The following MACROD2 variants were observed in gnomAD, a reference collection of about 807,000 sequenced individuals.
MACROD2 encodes the protein ADP-ribose glycohydrolase MACROD2.
In MACROD2, 36 loss-of-function variants were observed where a neutral mutation model predicts 70.4. That is an observed-to-expected ratio of 0.51 (90% CI 0.39 to 0.68). The LOEUF is 0.68. Ranked by LOEUF, MACROD2 falls within the 30% of genes least tolerant of loss-of-function variation. MACROD2 has a pLI of 0.00. For synonymous variants in MACROD2, 172 were observed against 178.8 expected (o/e 0.96, Z 0.30); for missense variants, 496 against 538.4 (o/e 0.92, Z 0.78).
Position 14,804,470 on chromosome 20 carries a change from A to G in MACROD2, c.418+119511A>G, listed in dbSNP as rs1055100319. On this transcript the variant is annotated intron_variant, in intron 5 of 17. Transcript: ENST00000684519. Reference sequence around the variant, plus strand: ...CAAGGTCACTCCATGCAACCTGCCTATGATAAATTGGGAATCCAGAATTTG... The same window carrying G: ...CAAGGTCACTCCATGCAACCTGCCTGTGATAAATTGGGAATCCAGAATTTG... 1.4e-4 allele frequency among the ~76,000 whole-genome samples: 22 copies of G among 152,020 alleles called. 1 individual carries two copies. The highest frequency in any genetic ancestry group is 3.9e-4 in the African/African-American group (16 of 41,356).
intron 7 of MACROD2, among the ~76,000 whole-genome samples, chr20:15,458,125 T>C (rs1463570463): frequency 1.3e-5 from 2 of 152,170 alleles, no homozygotes; most frequent in Non-Finnish European, 2.9e-5. Flanking sequence ...GGGCTATAAA[T>C]ATGAATTATG....
chr20:15,678,956 G>A (rs1356954172), intron 8 of MACROD2, among the ~76,000 whole-genome samples: 5 of 152,168 alleles, frequency 3.3e-5, no homozygotes, highest in Admixed American at 2.0e-4. Flanking sequence ...GATTGCACAG[G>A]CTGGGTGCGG....
At chr20:15,033,906 G>A (rs1426538200) in intron 5 of MACROD2, among the ~76,000 whole-genome samples, 2 of 152,200 alleles carry the variant, frequency 1.3e-5, no homozygotes, top group Non-Finnish European at 1.5e-5. Context: ...TGGGTAGGGT[G>A]TTGTTTAACC....
chr20:14,065,876 A>G (rs2053749188), intron 2 of MACROD2, among the ~76,000 whole-genome samples: 1 of 152,228 alleles, frequency 6.6e-6, no homozygotes, highest in Non-Finnish European at 1.5e-5. Context: ...AATAACATTA[A>G]GTTACAAGAC....
intron 8 of MACROD2, among the ~76,000 whole-genome samples, chr20:15,547,897 GT>G: frequency 6.6e-6 from 1 of 152,200 alleles, no homozygotes; most frequent in East Asian, 1.9e-4. Flanking sequence ...CTTTGCCCTG[GT>G]TTTACCCTCT....
At chr20:15,723,887 C>G (rs2050823857) in intron 8 of MACROD2, among the ~76,000 whole-genome samples, 1 of 152,166 alleles carries the variant, frequency 6.6e-6, no homozygotes, top group African/African-American at 2.4e-5. Context: ...AGGTACTGTA[C>G]CAGTTTGCAT....
intron 5 of MACROD2, among the ~76,000 whole-genome samples, chr20:14,760,777 C>G (rs146356687): frequency 1.3e-5 from 2 of 152,100 alleles, no homozygotes; most frequent in African/African-American, 4.8e-5. Context: ...CTTCCCTTTA[C>G]CAGCCAACAA....
At chr20:14,969,937 A>G (rs1243921165) in intron 5 of MACROD2, among the ~76,000 whole-genome samples, 2 of 152,158 alleles carry the variant, frequency 1.3e-5, no homozygotes, top group Non-Finnish European at 2.9e-5. Flanking sequence ...AACTAAATTC[A>G]CTGGTTGGTT....
At chr20:14,437,610 T>A (rs1201112664) in intron 3 of MACROD2, among the ~76,000 whole-genome samples, 1 of 152,050 alleles carries the variant, frequency 6.6e-6, no homozygotes, top group Non-Finnish European at 1.5e-5. Flanking sequence ...AAAATTTTTT[T>A]CTCATTAAAT....
chr20:15,925,686 A>G (rs1016175688), intron 10 of MACROD2, among the ~76,000 whole-genome samples: 1 of 152,200 alleles, frequency 6.6e-6, no homozygotes, highest in Non-Finnish European at 1.5e-5. Flanking sequence ...CACAACACAT[A>G]TGGAAGGCCC....
At position 15,521,534 on chromosome 20, in the gene MACROD2, C is replaced by T. The variant is rs148074935; in HGVS notation, c.645+21687C>T. ...TTTATTGTGGAGAATGCTAAAGTAA[C>T]GGACATGATAAGAGTTTCTGGTGGA... On this transcript the variant is annotated intron_variant, in intron 8 of 17. Transcript: ENST00000684519. Among the ~76,000 whole-genome samples, 30 of 152,250 alleles carry T rather than the reference C, an allele frequency of 2.0e-4. No individual in the cohort carries two copies. The East Asian group carries it at 4.1e-3, about 21-fold the overall frequency.
intron 13 of MACROD2, among the ~76,000 whole-genome samples, chr20:15,971,784 T>C (rs1488720605): frequency 6.6e-6 from 1 of 151,952 alleles, no homozygotes; most frequent in Non-Finnish European, 1.5e-5. Flanking sequence ...CTTTGTCTTC[T>C]GTCAGCATCC....
At chr20:15,770,268 A>G (rs779049745) in intron 8 of MACROD2, among the ~76,000 whole-genome samples, 2 of 151,784 alleles carry the variant, frequency 1.3e-5, no homozygotes, top group African/African-American at 2.4e-5. Context: ...CTTCTTCTTT[A>G]TATCTTCTGA....
At chr20:15,791,765 A>T (rs1458158225) in intron 8 of MACROD2, among the ~76,000 whole-genome samples, 1 of 152,028 alleles carries the variant, frequency 6.6e-6, no homozygotes, top group Admixed American at 6.6e-5. Flanking sequence ...AGCTCTAAAG[A>T]TAACATAAAA....
intron 6 of MACROD2, among the ~76,000 whole-genome samples, chr20:15,381,839 G>A (rs1045583924): frequency 1.3e-5 from 2 of 152,130 alleles, no homozygotes; most frequent in Non-Finnish European, 2.9e-5. Flanking sequence ...GGCACAGGGT[G>A]AATTTAGATC....
At chr20:15,126,919 A>G (rs1056627451) in intron 5 of MACROD2, among the ~76,000 whole-genome samples, 2 of 152,150 alleles carry the variant, frequency 1.3e-5, no homozygotes, top group Non-Finnish European at 2.9e-5. Flanking sequence ...GGTAAGAGGA[A>G]TAGTCTATAA....
At chr20:14,306,906 A>G (rs1335681127) in intron 3 of MACROD2, among the ~76,000 whole-genome samples, 1 of 152,068 alleles carries the variant, frequency 6.6e-6, no homozygotes, top group African/African-American at 2.4e-5. Context: ...AGCAAATGCC[A>G]CTATTTGATA....
chr20:15,707,644 G>A (rs1268767830), intron 8 of MACROD2, among the ~76,000 whole-genome samples: 16 of 152,018 alleles, frequency 1.1e-4, no homozygotes, highest in Admixed American at 5.2e-4. Context: ...TTAGCTGAGC[G>A]TGGTGGCGGG....
chr20:14,007,765 A>G (rs947401404), intron 2 of MACROD2, among the ~76,000 whole-genome samples: 3 of 152,132 alleles, frequency 2.0e-5, no homozygotes, highest in Non-Finnish European at 4.4e-5. Flanking sequence ...TGGATGGAGT[A>G]GTGTTGGCAG....
Sources: gnomAD v4.1 joint callset for allele counts (sites outside exome capture counted in the v4.1 genomes callset) on GRCh38, gnomAD v4.1.1 for gene constraint, MANE v1.5 for transcripts, NCBI Gene and HGNC (gene_info 2026-07-23, HGNC 2026-07-21) for gene names.